CRPPA: variants seen among roughly 807,000 people sequenced by gnomAD.
CRPPA encodes CDP-L-ribitol pyrophosphorylase A, also known as D-ribitol-5-phosphate cytidylyltransferase.
Under a neutral mutation model 52.0 loss-of-function variants are expected in CRPPA, and 43 were observed. The observed-to-expected ratio is 0.83, with a 90% CI of 0.65 to 1.07. The LOEUF (loss-of-function observed/expected upper bound fraction) is 1.07, where lower values mean the gene tolerates loss of function less well. Among genes scored for constraint, CRPPA ranks in the 50% least tolerant of loss-of-function variants. The pLI is 0.00. For missense variants in CRPPA, 629 were observed against 551.7 expected (o/e 1.14, Z -1.40); for synonymous variants, 250 against 203.5 (o/e 1.23, Z -1.94).
intron 9 of CRPPA, among the ~76,000 whole-genome samples, chr7:16,208,006 T>G (rs1782014318): frequency 6.6e-6 from 1 of 152,160 alleles, no homozygotes; most frequent in Admixed American, 6.6e-5. Flanking sequence ...TTCTACAACC[T>G]CTGAGACACA....
At chr7:16,406,487 C>A in intron 1 of CRPPA, 150 bp from the exon 2 acceptor site, 4 of 650,114 alleles carry the variant, frequency 6.2e-6, no homozygotes, top group Non-Finnish European at 1.0e-5. Flanking sequence ...CTCGTTAGGT[C>A]CAGTAAAGAG....
intron 8 of CRPPA, among the ~76,000 whole-genome samples, chr7:16,230,788 T>C (rs2128402857): frequency 6.6e-6 from 1 of 152,328 alleles, no homozygotes; most frequent in East Asian, 1.9e-4. Flanking sequence ...GATTTGGCTT[T>C]GCCTGGTATA....
chr7:16,408,852 A>C (rs1202269160), intron 1 of CRPPA, among the ~76,000 whole-genome samples: 1 of 152,224 alleles, frequency 6.6e-6, no homozygotes, highest in Admixed American at 6.5e-5. Flanking sequence ...TGATGACAGA[A>C]GCAGATGTCA....
Position 16,342,763 on chromosome 7 carries a change from C to CAAAAAAAAAAAA in CRPPA, c.684+33317_684+33328dup, listed in dbSNP as rs368521163. Among the ~76,000 whole-genome samples, 79 of 64,918 alleles carry CAAAAAAAAAAAA rather than the reference C, an allele frequency of 1.2e-3. 5 individuals carry two copies. Among genetic ancestry groups the CAAAAAAAAAAAA allele is most frequent in the Non-Finnish European group, 1.4e-3 (49 of 34,100 alleles). The allele number at this position is 64,918 out of a possible 152,430, so 42.6% of individuals were successfully genotyped here. ...GGCAACAGGATGAACCCTGTCTCCA[C>CAAAAAAAAAAAA]AAAAAAAAAAAAAAAAAAAATATAT... is the stretch of plus-strand genomic sequence containing the variant. On this transcript the variant is annotated intron_variant, in intron 3 of 9. Transcript: ENST00000407010.
At chr7:16,296,817 C>T (rs923917102) in intron 5 of CRPPA, among the ~76,000 whole-genome samples, 3 of 152,158 alleles carry the variant, frequency 2.0e-5, no homozygotes, top group African/African-American at 7.2e-5. Context: ...ACATTATATG[C>T]TTTTCACACA....
chr7:16,124,548 A>G (rs1782539026), intron 9 of CRPPA, among the ~76,000 whole-genome samples: 1 of 152,334 alleles, frequency 6.6e-6, no homozygotes, highest in Non-Finnish European at 1.5e-5. Context: ...AGAAATAAAG[A>G]GTAGAATAGT....
At chr7:16,128,581 A>C (rs1338765275) in intron 9 of CRPPA, among the ~76,000 whole-genome samples, 1 of 152,194 alleles carries the variant, frequency 6.6e-6, no homozygotes, top group Non-Finnish European at 1.5e-5. Flanking sequence ...AAATAACTTG[A>C]CAAGAAAGCT....
At chr7:16,357,273 G>C (rs1313746386) in intron 3 of CRPPA, among the ~76,000 whole-genome samples, 1 of 152,064 alleles carries the variant, frequency 6.6e-6, no homozygotes, top group Middle Eastern at 3.2e-3. Flanking sequence ...CCAACTCTCG[G>C]GTTTAGGAGA....
intron 4 of CRPPA, among the ~76,000 whole-genome samples, chr7:16,305,696 T>A (rs1010808360): frequency 1.3e-5 from 2 of 152,096 alleles, no homozygotes; most frequent in Non-Finnish European, 1.5e-5. Context: ...TGAAACCCCG[T>A]CTCTACTAAA....
At chr7:16,308,436 C>G in intron 4 of CRPPA, 87 bp downstream of exon 4, 1 of 734,260 alleles carries the variant, frequency 1.4e-6, no homozygotes, top group Non-Finnish European at 2.4e-6. Flanking sequence ...TTAACTCCTA[C>G]TCAATGCACT....
At chr7:16,409,756 C>T (rs1006830909) in intron 1 of CRPPA, among the ~76,000 whole-genome samples, 5 of 152,090 alleles carry the variant, frequency 3.3e-5, no homozygotes, top group Non-Finnish European at 7.4e-5. Flanking sequence ...CATTACATTA[C>T]TTTTTTCTAT....
chr7:16,378,126 ATACTTT>A (rs1562664251), intron 2 of CRPPA, among the ~76,000 whole-genome samples: 1 of 151,694 alleles, frequency 6.6e-6, no homozygotes, highest in African/African-American at 2.4e-5. Context: ...TATTATTATT[ATACTTT>A]AAGTTTTAGA....
At chr7:16,296,036 T>G (rs1366015073) in intron 5 of CRPPA, among the ~76,000 whole-genome samples, 1 of 152,160 alleles carries the variant, frequency 6.6e-6, no homozygotes, top group Non-Finnish European at 1.5e-5. Flanking sequence ...GAATACTTTT[T>G]TATACAGTTT....
intron 9 of CRPPA, among the ~76,000 whole-genome samples, chr7:16,180,373 C>G (rs532533736): frequency 2.0e-5 from 3 of 152,162 alleles, no homozygotes; most frequent in Non-Finnish European, 4.4e-5. Flanking sequence ...AGTAACAAAA[C>G]TTACTTGACG....
chr7:16,398,185 G>T (rs6976548), intron 2 of CRPPA, among the ~76,000 whole-genome samples: 1 of 151,934 alleles, frequency 6.6e-6, no homozygotes, highest in Non-Finnish European at 1.5e-5. Context: ...TCGGCCTGTT[G>T]CCAACATGAC....
intron 9 of CRPPA, among the ~76,000 whole-genome samples, chr7:16,139,523 A>C (rs1254685294): frequency 6.6e-6 from 1 of 152,194 alleles, no homozygotes; most frequent in East Asian, 1.9e-4. Flanking sequence ...TTAACACTAA[A>C]ATATTAGGTT....
intron 9 of CRPPA, among the ~76,000 whole-genome samples, chr7:16,134,721 C>T (rs1178801579): frequency 2.0e-5 from 3 of 152,086 alleles, no homozygotes; most frequent in African/African-American, 7.2e-5. Flanking sequence ...ACAGAAATGA[C>T]CTAAAAATAT....
chr7:16,308,222 G>C (rs1784957319), intron 4 of CRPPA, among the ~76,000 whole-genome samples: 1 of 152,130 alleles, frequency 6.6e-6, no homozygotes, highest in Non-Finnish European at 1.5e-5. Flanking sequence ...AAATTACCAA[G>C]TCTCAGGTAT....
intron 4 of CRPPA, 115 bp downstream of exon 4, chr7:16,308,408 T>G (rs1221940868): frequency 3.1e-6 from 2 of 639,462 alleles, no homozygotes; most frequent in Non-Finnish European, 5.7e-6. Flanking sequence ...GATGGTTCAG[T>G]AAACCCGTGA....
Sources: allele counts gnomAD v4.1 joint callset (sites outside exome capture counted in the v4.1 genomes callset), GRCh38; gene constraint gnomAD v4.1.1; transcripts MANE v1.5; gene names NCBI Gene and HGNC (gene_info 2026-07-23, HGNC 2026-07-21).